CDCA7L: variants seen among roughly 807,000 people sequenced by gnomAD.
CDCA7L encodes cell division cycle associated 7 like, also known as cell division cycle-associated 7-like protein.
A neutral mutation model predicts 57.4 loss-of-function variants in CDCA7L; 44 were observed. The ratio of observed to expected loss-of-function variants is 0.77; its 90% CI spans 0.60 to 0.98. The LOEUF (loss-of-function observed/expected upper bound fraction) is 0.98. Among genes scored for constraint, CDCA7L ranks in the 50% least tolerant of loss-of-function variants. The probability of loss-of-function intolerance (pLI) is 0.00; values close to 1 mark genes in which losing one functional copy is unlikely to be tolerated. For missense variants in CDCA7L, 644 were observed against 580.6 expected (o/e 1.11, Z -1.12); for synonymous variants, 236 against 202.8 (o/e 1.16, Z -1.39).
intron 1 of CDCA7L, among the ~76,000 whole-genome samples, chr7:21,934,637 A>AT (rs1257906974): frequency 6.6e-6 from 1 of 152,154 alleles, no homozygotes; most frequent in Non-Finnish European, 1.5e-5. Flanking sequence ...GGCAGGAAGG[A>AT]TTTTTTCAAA....
chr7:21,933,406 C>A lies in CDCA7L; in HGVS notation c.24+12375G>T, dbSNP rs549217143. Among the ~76,000 whole-genome samples, 3 of 152,232 alleles carry A rather than the reference C, an allele frequency of 2.0e-5. No homozygotes were observed. The East Asian group carries it at 5.8e-4, about 29-fold the overall frequency. ...CAAAGACTTGGAACCAACCCAAATG[C>A]CCATCAATGATAGACTGGATAAAGA... On this transcript the variant is annotated intron_variant, in intron 1 of 9. Transcript: ENST00000406877.
rs1056769462 is a variant in CDCA7L at position 21,910,638 on chromosome 7, T to A, written c.303+979A>T. Reference sequence around the variant, plus strand: ...TGTATGCTATTTTTAGCAGAAAACATTTCTGCACTTAAATCCGAAGGCTGT... The same window carrying A: ...TGTATGCTATTTTTAGCAGAAAACAATTCTGCACTTAAATCCGAAGGCTGT... On this transcript the variant is annotated intron_variant, in intron 3 of 9. Coordinates refer to ENST00000406877, the MANE Select transcript of CDCA7L (RefSeq NM_018719.5). Among the ~76,000 whole-genome samples, 124 of 152,354 alleles carry A rather than the reference T, an allele frequency of 8.1e-4. 1 individual carries two copies. The highest frequency in any genetic ancestry group is 8.7e-4 in the Non-Finnish European group (59 of 68,026).
At chr7:21,902,899 C>A (rs767714457) in intron 9 of CDCA7L, 79 bp downstream of exon 9, 5 of 1,391,570 alleles carry the variant, frequency 3.6e-6, no homozygotes, top group Non-Finnish European at 4.0e-6. Flanking sequence ...GGGAAGGCAA[C>A]AACTACTTGC....
intron 1 of CDCA7L, among the ~76,000 whole-genome samples, chr7:21,928,997 A>G (rs533703829): frequency 2.0e-5 from 3 of 152,304 alleles, no homozygotes; most frequent in East Asian, 3.9e-4. Flanking sequence ...CCCAAGACAC[A>G]TAATCATCAG....
At chr7:21,906,234 T>G in intron 6 of CDCA7L, 55 bp downstream of exon 6, 2 of 1,519,664 alleles carry the variant, frequency 1.3e-6, no homozygotes, top group Non-Finnish European at 1.8e-6. Flanking sequence ...TGCGTTCACG[T>G]TTGGAGGGAT....
At position 21,904,030 on chromosome 7, in the gene CDCA7L, G is replaced by C. The variant is rs1258553912; in HGVS notation, c.1197+80C>G. 4.4e-6 allele frequency: 6 copies of C among 1,379,024 alleles called. No individual in the cohort carries two copies. The Admixed American group carries it at 1.3e-4, about 30-fold the overall frequency. 85.4% of individuals were successfully genotyped at this position (1,379,024 alleles called of 1,614,324 possible). ...GAGTTCTGGAGCTCCCTAGTTCCCA[G>C]TGAGAACCCAGGAGGCCCATCTTTA... On this transcript the variant is annotated intron_variant, in intron 8 of 9. Transcript: ENST00000406877.
At chr7:21,902,462 T>C (rs1041524347) in intron 9 of CDCA7L, 110 bp from the exon 10 acceptor site, 2 of 1,025,994 alleles carry the variant, frequency 1.9e-6, no homozygotes, top group African/African-American at 1.6e-5. Flanking sequence ...AACCCAGATC[T>C]CCTGACACTC....
chr7:21,920,629 A>T (rs1319428228), intron 1 of CDCA7L, among the ~76,000 whole-genome samples: 1 of 152,234 alleles, frequency 6.6e-6, no homozygotes, highest in Non-Finnish European at 1.5e-5. Flanking sequence ...TTTACCAGCC[A>T]CACGTAGTGC....
chr7:21,938,230 G>A lies in CDCA7L; in HGVS notation c.24+7551C>T, dbSNP rs149141408. On this transcript the variant is annotated intron_variant, in intron 1 of 9. Coordinates refer to ENST00000406877, the MANE Select transcript of CDCA7L (RefSeq NM_018719.5). ...CTACAAAAACCCAGTTAAGAAATGG[G>A]CAAAGGACTTGAATTAACATTTCTT... is the stretch of plus-strand genomic sequence containing the variant. Among the ~76,000 whole-genome samples, 403 of 152,176 alleles carry A rather than the reference G, an allele frequency of 2.6e-3. 2 individuals carry two copies. The highest frequency in any genetic ancestry group is 9.3e-3 in the African/African-American group (388 of 41,504).
chr7:21,931,870 GTC>G (rs1786029175), intron 1 of CDCA7L, among the ~76,000 whole-genome samples: 1 of 152,206 alleles, frequency 6.6e-6, no homozygotes, highest in African/African-American at 2.4e-5. Flanking sequence ...AAGTCCAACT[GTC>G]TCTGTTTGCA....
rs1554294569 is a variant in CDCA7L at position 21,901,545 on chromosome 7, G to GGCAACAGAACAAGACTC, written c.*760_*776dup. On this transcript the variant is annotated 3_prime_UTR_variant, in exon 10 of 10. Transcript: ENST00000406877. ...GGTTGCACCACTGCACTCCCTCCTGGGCAACAGAACAAGACTCCATCTCAA... is the reference window on the plus strand; with the variant it reads ...GGTTGCACCACTGCACTCCCTCCTGGGCAACAGAACAAGACTCGCAACAGAACAAGACTCCATCTCAA... 3 of 238,610 alleles carry GGCAACAGAACAAGACTC rather than the reference G, an allele frequency of 1.3e-5. No homozygotes were observed. The highest frequency in any genetic ancestry group is 2.2e-5 in the African/African-American group (1 of 44,468). The allele number at this position is 238,610 out of a possible 1,614,324, so 14.8% of individuals were successfully genotyped here.
intron 1 of CDCA7L, among the ~76,000 whole-genome samples, chr7:21,926,850 G>T (rs1785846355): frequency 1.3e-5 from 2 of 152,184 alleles, no homozygotes; most frequent in South Asian, 4.1e-4. Context: ...TTTAGCCTGG[G>T]TGACAGAGCA....
At chr7:21,914,332 T>C (rs1334556267) in intron 2 of CDCA7L, among the ~76,000 whole-genome samples, 1 of 152,118 alleles carries the variant, frequency 6.6e-6, no homozygotes, top group Non-Finnish European at 1.5e-5. Flanking sequence ...GAAAGCACCA[T>C]TCAAGTATGA....
In CDCA7L at chr7:21,916,514, TAAAAA is replaced by T. The variant is rs71557529; in HGVS notation, c.165+235_165+239del. ...CTTGATCATGTGAGGTCCCTTTATT[TAAAAA>T]AAAAAAAAAAAAAAAAAAAGAATTA... On this transcript the variant is annotated intron_variant, in intron 2 of 9. Coordinates refer to ENST00000406877, the MANE Select transcript of CDCA7L (RefSeq NM_018719.5). 1.0e-3 allele frequency among the ~76,000 whole-genome samples: 107 copies of T among 105,118 alleles called. 1 individual carries two copies. The highest frequency in any genetic ancestry group is 3.0e-3 in the African/African-American group (81 of 27,396). 69.0% of individuals were successfully genotyped at this position (105,118 alleles called of 152,430 possible). A position where few individuals can be genotyped will look rare whatever the true frequency, so the allele number is the denominator to read the frequency against.
At chr7:21,928,046 G>A (rs1785881363) in intron 1 of CDCA7L, among the ~76,000 whole-genome samples, 1 of 152,210 alleles carries the variant, frequency 6.6e-6, no homozygotes, top group South Asian at 2.1e-4. Context: ...GGGGTCAACA[G>A]ACACCTCATA....
Position 21,900,901 on chromosome 7 carries a change from T to G in CDCA7L, c.*1421A>C. 6.8e-7 allele frequency: 1 copy of G among 1,474,954 alleles called. No homozygotes were observed. Among genetic ancestry groups the G allele is most frequent in the African/African-American group, 1.4e-5 (1 of 70,536 alleles). The allele number at this position is 1,474,954 out of a possible 1,614,324, so 91.4% of individuals were successfully genotyped here. A position where few individuals can be genotyped will look rare whatever the true frequency, so the allele number is the denominator to read the frequency against. On this transcript the variant is annotated 3_prime_UTR_variant, in exon 10 of 10. Transcript: ENST00000406877. ...AAAATACCACTGACAAGCAAAAATATGACAAAACCAGAATGTTGAATGTTT... is the reference window on the plus strand; with the variant it reads ...AAAATACCACTGACAAGCAAAAATAGGACAAAACCAGAATGTTGAATGTTT...
intron 1 of CDCA7L, among the ~76,000 whole-genome samples, chr7:21,943,278 A>G (rs1159210093): frequency 6.6e-6 from 1 of 152,274 alleles, no homozygotes; most frequent in Non-Finnish European, 1.5e-5. Context: ...ATGGCAGGAA[A>G]GCAGACTCGA....
intron 6 of CDCA7L, 132 bp downstream of exon 6, chr7:21,906,157 G>T: frequency 1.2e-6 from 1 of 808,292 alleles, no homozygotes. Flanking sequence ...GGGAAGCAGA[G>T]AGAAATGCAA....
chr7:21,918,317 C>T (rs1296248119), intron 1 of CDCA7L, among the ~76,000 whole-genome samples: 2 of 152,192 alleles, frequency 1.3e-5, no homozygotes, highest in African/African-American at 4.8e-5. Flanking sequence ...CCCTGGATCC[C>T]GACCCAACTC....
Sources: allele counts gnomAD v4.1 joint callset (sites outside exome capture counted in the v4.1 genomes callset), GRCh38; gene constraint gnomAD v4.1.1; transcripts MANE v1.5; gene names NCBI Gene and HGNC (gene_info 2026-07-23, HGNC 2026-07-21).